Variants in CRPPA observed in about 807,000 individuals in gnomAD.
CRPPA encodes CDP-L-ribitol pyrophosphorylase A, also known as D-ribitol-5-phosphate cytidylyltransferase.
Under a neutral mutation model 52.0 loss-of-function variants are expected in CRPPA, and 43 were observed. The observed-to-expected ratio is 0.83, with a 90% CI of 0.65 to 1.07. The LOEUF (loss-of-function observed/expected upper bound fraction) is 1.07. Ranked by LOEUF, CRPPA falls within the 50% of genes least tolerant of loss-of-function variation. The pLI, the probability that CRPPA is intolerant of heterozygous loss-of-function variation, is 0.00. For synonymous variants in CRPPA, 250 were observed against 203.5 expected, an observed-to-expected ratio of 1.23 and a Z score of -1.94; for missense variants, 629 against 551.7, an observed-to-expected ratio of 1.14 and a Z score of -1.40.
chr7:16,199,377 C>T (rs932285379), intron 9 of CRPPA, among the ~76,000 whole-genome samples: 2 of 151,978 alleles, frequency 1.3e-5, no homozygotes, highest in Admixed American at 6.6e-5. Context: ...GTAGTTAATG[C>T]CTTTCATATG....
intron 3 of CRPPA, among the ~76,000 whole-genome samples, chr7:16,320,059 C>T (rs1468824225): frequency 6.6e-6 from 1 of 152,116 alleles, no homozygotes. Context: ...AGTACTAATT[C>T]ACTTGTTTTC....
intron 8 of CRPPA, among the ~76,000 whole-genome samples, chr7:16,228,230 G>T (rs1782701786): frequency 6.6e-6 from 1 of 151,658 alleles, no homozygotes; most frequent in African/African-American, 2.4e-5. Context: ...TCTAGCAAAA[G>T]ATTTTCCAAT....
chr7:16,245,681 AC>A (rs1317708620), intron 8 of CRPPA, among the ~76,000 whole-genome samples: 1 of 152,220 alleles, frequency 6.6e-6, no homozygotes, highest in Non-Finnish European at 1.5e-5. Context: ...TAACAAGCAT[AC>A]CTCAAAAATA....
chr7:16,385,735 T>C (rs1246003811), intron 2 of CRPPA, among the ~76,000 whole-genome samples: 2 of 152,230 alleles, frequency 1.3e-5, no homozygotes, highest in Non-Finnish European at 2.9e-5. Context: ...TTTCTCTTTA[T>C]ATATTGTTTT....
intron 8 of CRPPA, among the ~76,000 whole-genome samples, chr7:16,238,863 C>T (rs1433256623): frequency 6.6e-6 from 1 of 152,104 alleles, no homozygotes. Flanking sequence ...TAGGTCTGGG[C>T]ACAGTGGCTC....
In CRPPA at chr7:16,421,136, G is replaced by A; in HGVS notation, c.187C>T (p.Pro63Ser). The A allele has an allele frequency of 1.5e-6, 2 of 1,329,180 alleles. No homozygotes were observed. The highest frequency in any genetic ancestry group is 9.7e-7 in the Non-Finnish European group (1 of 1,033,506). The allele number at this position is 1,329,180 out of a possible 1,614,324, so 82.3% of individuals were successfully genotyped here. ...ATGGGGCAGAATTGCTTCGGGGTGG[G>A]GACCCCCATCCTCTCCCCGCACCCC... ...AGGCGERMGVPTPKQFCPILE... is the reference protein window; with the variant it reads ...AGGCGERMGVSTPKQFCPILE... Residue 63 changes from proline (P) to serine (S), a missense_variant, in exon 1 of 10, where the codon CCC becomes TCC. Coordinates refer to ENST00000407010, the MANE Select transcript of CRPPA (RefSeq NM_001101426.4).
intron 9 of CRPPA, among the ~76,000 whole-genome samples, chr7:16,177,314 A>G (rs1194135201): frequency 6.6e-6 from 1 of 152,156 alleles, no homozygotes. Context: ...AAACTAAAAA[A>G]AAGTATTACA....
At chr7:16,358,409 C>G (rs879280143) in intron 3 of CRPPA, among the ~76,000 whole-genome samples, 6 of 152,176 alleles carry the variant, frequency 3.9e-5, no homozygotes, top group Non-Finnish European at 7.3e-5. Flanking sequence ...AAAGGTAGCT[C>G]TTACCCAGTA....
At chr7:16,286,097 A>ATATATATATATATAT (rs1554309941) in intron 5 of CRPPA, among the ~76,000 whole-genome samples, 45 of 39,118 alleles carry the variant, frequency 1.2e-3, no homozygotes, top group African/African-American at 2.2e-3. Flanking sequence ...TAAAAAAAAA[A>ATATATATATATATAT]ATATATATAT....
At chr7:16,320,494 C>T (rs927157921) in intron 3 of CRPPA, among the ~76,000 whole-genome samples, 11 of 152,108 alleles carry the variant, frequency 7.2e-5, no homozygotes, top group African/African-American at 1.9e-4. Flanking sequence ...TAATGGTCCA[C>T]GGCTACAGAT....
At chr7:16,245,740 A>C (rs1463992124) in intron 8 of CRPPA, among the ~76,000 whole-genome samples, 2 of 152,242 alleles carry the variant, frequency 1.3e-5, no homozygotes, top group African/African-American at 4.8e-5. Flanking sequence ...CAAATATCAC[A>C]ATGAAATGAG....
In CRPPA at chr7:16,405,926, A is replaced by C. The variant is rs1449736539; in HGVS notation, c.534+135T>G. On this transcript the variant is annotated intron_variant, in intron 2 of 9. Transcript: ENST00000407010. ...TCAATCTATAAAGTTACTACAACAA[A>C]TCACCATAACATCTTTAGGTCATCA... The C allele has an allele frequency of 1.3e-5, 10 of 799,480 alleles. No homozygotes were observed. In the East Asian group the frequency reaches 2.7e-4, roughly 22 times the overall value. The allele number at this position is 799,480 out of a possible 1,614,324, so 49.5% of individuals were successfully genotyped here. A position where few individuals can be genotyped will look rare whatever the true frequency, so the allele number is the denominator to read the frequency against.
chr7:16,200,059 T>C (rs76430924), intron 9 of CRPPA, among the ~76,000 whole-genome samples: 256 of 152,192 alleles, frequency 1.7e-3, no homozygotes, highest in Middle Eastern at 3.4e-3. Context: ...GATTTTACCA[T>C]GTTGGCCAGG....
intron 8 of CRPPA, among the ~76,000 whole-genome samples, chr7:16,235,134 A>G (rs909200349): frequency 2.0e-5 from 3 of 152,080 alleles, no homozygotes; most frequent in African/African-American, 7.2e-5. Context: ...GTAAATTTAT[A>G]CTAGCAAAAT....
intron 3 of CRPPA, among the ~76,000 whole-genome samples, chr7:16,343,165 T>C (rs1391212335): frequency 6.6e-6 from 1 of 152,148 alleles, no homozygotes; most frequent in Admixed American, 6.6e-5. Flanking sequence ...AATTCATTCA[T>C]AAAAGTCGTG....
intron 5 of CRPPA, among the ~76,000 whole-genome samples, chr7:16,300,285 T>C (rs562934925): frequency 6.6e-6 from 1 of 152,332 alleles, no homozygotes; most frequent in Non-Finnish European, 1.5e-5. Flanking sequence ...AAATAGGGTT[T>C]CCCAAAATTT....
intron 3 of CRPPA, among the ~76,000 whole-genome samples, chr7:16,353,318 C>T (rs1786207854): frequency 6.6e-6 from 1 of 152,084 alleles, no homozygotes; most frequent in African/African-American, 2.4e-5. Flanking sequence ...AGCCACTGTA[C>T]TCCAGCCTGG....
At chr7:16,143,649 A>G (rs932180097) in intron 9 of CRPPA, among the ~76,000 whole-genome samples, 5 of 152,224 alleles carry the variant, frequency 3.3e-5, no homozygotes, top group African/African-American at 1.2e-4. Context: ...TGTATAAAGC[A>G]CTAGTGTACC....
intron 2 of CRPPA, among the ~76,000 whole-genome samples, chr7:16,397,785 C>T (rs1398582418): frequency 2.6e-5 from 4 of 152,038 alleles, no homozygotes; most frequent in African/African-American, 9.7e-5. Flanking sequence ...ACCAACACGT[C>T]ACTGACATGA....
Sources: allele counts gnomAD v4.1 joint callset (sites outside exome capture counted in the v4.1 genomes callset), GRCh38; gene constraint gnomAD v4.1.1; transcripts MANE v1.5; gene names NCBI Gene and HGNC (gene_info 2026-07-23, HGNC 2026-07-21).